The following PEX6 variants were observed in gnomAD, a reference collection of about 807,000 sequenced individuals.
PEX6 encodes peroxisome biogenesis factor 6.
A neutral mutation model predicts 85.6 loss-of-function variants in PEX6; 55 were observed. The observed-to-expected ratio is 0.64, with a 90% CI of 0.52 to 0.80. PEX6 has a LOEUF of 0.80. PEX6 is among the 30% of genes least tolerant of loss of function. PEX6 has a pLI of 0.00. For missense variants in PEX6, 1,099 were observed against 1,260.3 expected, an observed-to-expected ratio of 0.87 and a Z score of 1.94; for synonymous variants, 519 against 549.1, an observed-to-expected ratio of 0.95 and a Z score of 0.77.
intron 8 of PEX6, 61 bp from the exon 9 acceptor site, chr6:42,966,919 C>G: frequency 7.8e-7 from 1 of 1,286,240 alleles, no homozygotes. Context: ...CTTCAGGGAC[C>G]GTCCCCCAGC....
At chr6:42,976,525 G>A (rs994433894) in intron 1 of PEX6, among the ~76,000 whole-genome samples, 2 of 151,986 alleles carry the variant, frequency 1.3e-5, no homozygotes, top group East Asian at 3.9e-4. Context: ...ACCATACTGG[G>A]CTGATTTTTG....
intron 6 of PEX6, 71 bp from the exon 7 acceptor site, chr6:42,968,569 A>C: frequency 7.4e-7 from 1 of 1,353,190 alleles, no homozygotes; most frequent in South Asian, 1.3e-5. Flanking sequence ...TCAGGGGAGG[A>C]GGAGGTGGAA....
chr6:42,977,469 T>C (rs1039943739), intron 1 of PEX6, among the ~76,000 whole-genome samples: 1 of 151,966 alleles, frequency 6.6e-6, no homozygotes, highest in African/African-American at 2.4e-5. Context: ...CACTACATTA[T>C]GGAGGCTTAT....
In PEX6 at chr6:42,974,750, A is replaced by T. The variant is rs896273247; in HGVS notation, c.1046+125T>A. On this transcript the variant is annotated intron_variant, in intron 2 of 16. Transcript: ENST00000304611. Reference sequence around the variant, plus strand: ...TGCTGGGATTACAGACGTGAGCCACAGCACCTAGCCGCAAATGTGGCTTCT... The same window carrying T: ...TGCTGGGATTACAGACGTGAGCCACTGCACCTAGCCGCAAATGTGGCTTCT... 49 of 884,078 alleles carry T rather than the reference A, an allele frequency of 5.5e-5. No individual in the cohort carries two copies. In the South Asian group the frequency reaches 6.2e-4, roughly 11 times the overall value. 54.8% of individuals were successfully genotyped at this position (884,078 alleles called of 1,614,324 possible). A position where few individuals can be genotyped will look rare whatever the true frequency, so the allele number is the denominator to read the frequency against.
In PEX6 at chr6:42,969,854, C is replaced by T. The variant is rs368204360; in HGVS notation, c.1233+31G>A. 367 of 1,614,056 alleles carry T rather than the reference C, an allele frequency of 2.3e-4. 4 individuals are homozygous for T. In the South Asian group the frequency reaches 3.7e-3, roughly 16 times the overall value. The stretch of plus-strand genomic sequence containing the variant: ...TTCTAAAAATCGTTTCTACCCCCTG[C>T]GCTGGTCTACACCCATCCTTGGGGC... On this transcript the variant is annotated intron_variant, in intron 4 of 16. Transcript: ENST00000304611.
chr6:42,967,517 G>C lies in PEX6; in HGVS notation c.1735C>G (p.Leu579Val), dbSNP rs1400010758. ...VVATTSRAQD[L>V]PADVQTAFPH... ...AATGCTGTCTGCACATCAGCAGGCA[G>C]GTCCTGGGCCCGGCTTGTGGTGGCC... is the stretch of plus-strand genomic sequence containing the variant. The change falls in exon 8 of 17, where the codon CTG becomes GTG. Residue 579 changes from leucine to valine, a missense_variant. Leu to Val is a conservative substitution (Grantham distance 32). Around this residue, in one of 3 missense-constraint regions of PEX6, gnomAD observed 514 missense variants for 627.0 expected, o/e 0.82. Transcript: ENST00000304611. 8.7e-6 allele frequency: 14 copies of C among 1,608,710 alleles called. No homozygotes were observed. The highest frequency in any genetic ancestry group is 1.2e-5 in the Non-Finnish European group (14 of 1,178,008).
intron 2 of PEX6, 77 bp from the exon 3 acceptor site, chr6:42,974,163 G>T: frequency 9.4e-7 from 1 of 1,059,730 alleles, no homozygotes; most frequent in South Asian, 1.3e-5. Context: ...GTCCACCCCC[G>T]ACATGCAGAC....
intron 3 of PEX6, among the ~76,000 whole-genome samples, chr6:42,970,218 G>C (rs1770014366): frequency 6.6e-6 from 1 of 152,226 alleles, no homozygotes; most frequent in African/African-American, 2.4e-5. Context: ...AGCCATGAGA[G>C]CTCTGAGGGG....
intron 1 of PEX6, among the ~76,000 whole-genome samples, chr6:42,975,583 G>A (rs1382389293): frequency 6.6e-6 from 1 of 152,048 alleles, no homozygotes; most frequent in Non-Finnish European, 1.5e-5. Flanking sequence ...GGTTACTCTA[G>A]TACTGCCCAG....
Position 42,965,471 on chromosome 6 carries a change from C to T in PEX6, c.2472-103G>A. 1.0e-6 allele frequency: 1 copy of T among 992,566 alleles called. No homozygotes were observed. Among genetic ancestry groups the T allele is most frequent in the East Asian group, 2.4e-5 (1 of 42,160 alleles). The allele number at this position is 992,566 out of a possible 1,614,324, so 61.5% of individuals were successfully genotyped here. The stretch of plus-strand genomic sequence containing the variant: ...CAGGCAGTCTCAACAGGGCCCTCCA[C>T]TCAGCTGTGCCCAATGTGCCCCACC... On this transcript the variant is annotated intron_variant, in intron 13 of 16. Coordinates refer to ENST00000304611, the MANE Select transcript of PEX6 (RefSeq NM_000287.4). This position sits in a 1 kb window ranked among gnomAD's most constrained non-coding sequence, Gnocchi z 5.0.
At chr6:42,966,908 C>A (rs1387507331) in intron 8 of PEX6, 50 bp from the exon 9 acceptor site, 1 of 1,399,032 alleles carries the variant, frequency 7.1e-7, no homozygotes, top group South Asian at 1.2e-5. Context: ...TAGGCAGGAA[C>A]CTTCAGGGAC....
chr6:42,974,770 G>A, intron 2 of PEX6, 105 bp downstream of exon 2: 2 of 1,080,630 alleles, frequency 1.9e-6, no homozygotes, highest in Non-Finnish European at 2.9e-6. Context: ...CGCAAATGTG[G>A]CTTCTTTTAA....
At position 42,965,405 on chromosome 6, in the gene PEX6, TCC is replaced by T; in HGVS notation, c.2472-39_2472-38del. The stretch of plus-strand genomic sequence containing the variant: ...GGAGCAAGGGCAAGAGTCCTTGGTG[TCC>T]CCCTTAGACTCTGCCCCTGCCTGTG... On this transcript the variant is annotated intron_variant, in intron 13 of 16. Transcript: ENST00000304611. This position sits in a 1 kb window ranked among gnomAD's most constrained non-coding sequence, Gnocchi z 5.0. 1 of 1,459,890 alleles carries T rather than the reference TCC, an allele frequency of 6.8e-7. No homozygotes were observed. The highest frequency in any genetic ancestry group is 1.4e-5 in the African/African-American group (1 of 71,908). 90.4% of individuals were successfully genotyped at this position (1,459,890 alleles called of 1,614,324 possible).
In PEX6 at chr6:42,964,840, G is replaced by A; in HGVS notation, c.2756C>T (p.Ser919Phe). The stretch of plus-strand genomic sequence containing the variant: ...TTTGAGGGCAGCTGTCATAGCATCA[G>A]AGCAGAGAGAGTAGAGGTCCGCGCC... ...LTGADLYSLC[S>F]DAMTAALKRR... The change falls in exon 16 of 17, where the codon TCT becomes TTT. Residue 919 changes from serine to phenylalanine, a missense_variant. Ser to Phe is a radical substitution (Grantham distance 155). Coordinates refer to ENST00000304611, the MANE Select transcript of PEX6 (RefSeq NM_000287.4). The surrounding 1 kb of genome is among the most constrained non-coding windows in gnomAD (Gnocchi z 4.6). 1 of 1,614,152 alleles carries A rather than the reference G, an allele frequency of 6.2e-7. No homozygotes were observed. Among genetic ancestry groups the A allele is most frequent in the South Asian group, 1.1e-5 (1 of 91,084 alleles).
At chr6:42,966,695 G>T (rs1279694233) in intron 9 of PEX6, 38 bp from the exon 10 acceptor site, 1 of 1,614,060 alleles carries the variant, frequency 6.2e-7, no homozygotes, top group East Asian at 2.2e-5. Flanking sequence ...CTCACCATCA[G>T]CGTCCCATTC....
rs779526175 is a variant in PEX6, at chr6:42,978,445, G to A, written c.706C>T (p.Gln236Ter). The change falls in exon 1 of 17, where the codon CAG (glutamine) becomes TAG (stop). Residue 236 changes from glutamine (Q) to a stop codon, truncating the protein, a stop_gained. Transcript: ENST00000304611. LOFTEE classifies it high-confidence loss of function. Reference protein sequence around the residue: ...AQARESSNTSQPHLARVQVLE... With the variant: ...AQARESSNTS ...ACCTGCACCCTAGCCAAGTGCGGCTGTGAAGTGTTCGATGACTCTCTGGCC... is the reference window on the plus strand; with the variant it reads ...ACCTGCACCCTAGCCAAGTGCGGCTATGAAGTGTTCGATGACTCTCTGGCC... 22 of 1,614,154 alleles carry A rather than the reference G, an allele frequency of 1.4e-5. No individual in the cohort carries two copies. Among genetic ancestry groups the A allele is most frequent in the Non-Finnish European group, 1.9e-5 (22 of 1,180,016 alleles).
In PEX6 at chr6:42,968,027, A is replaced by C. The variant is rs1271738265; in HGVS notation, c.1688+263T>G. Among the ~76,000 whole-genome samples the C allele has an allele frequency of 2.0e-5, 3 of 149,914 alleles. No individual in the cohort carries two copies. The South Asian group carries it at 6.4e-4, about 32-fold the overall frequency. On this transcript the variant is annotated intron_variant, in intron 7 of 16. Transcript: ENST00000304611. Reference sequence around the variant, plus strand: ...AATGGTATGATTTTGGCTCACTGCAACCTCCGCCTCCTGGGCTCAAGTGAT... The same window carrying C: ...AATGGTATGATTTTGGCTCACTGCACCCTCCGCCTCCTGGGCTCAAGTGAT...
At position 42,978,601 on chromosome 6, in the gene PEX6, A is replaced by G; in HGVS notation, c.550T>C (p.Ser184Pro). 6.2e-7 allele frequency: 1 copy of G among 1,609,260 alleles called. No individual in the cohort carries two copies. The highest frequency in any genetic ancestry group is 1.3e-5 in the African/African-American group (1 of 74,996). The change falls in exon 1 of 17, where the codon TCC becomes CCC. Residue 184 changes from serine (S) to proline (P), a missense_variant. Physicochemically the swap from Ser to Pro is moderately conservative, Grantham distance 74 (BLOSUM62 -1). Transcript: ENST00000304611. ...SRPPPPPVVS[S>P]FAVSGTVRRL... Reference sequence around the variant, plus strand: ...CGCACTGTGCCAGAAACCGCAAAGGAGGACACCACGGGCGGGGGTGGGGGC... The same window carrying G: ...CGCACTGTGCCAGAAACCGCAAAGGGGGACACCACGGGCGGGGGTGGGGGC...
intron 1 of PEX6, among the ~76,000 whole-genome samples, chr6:42,976,549 G>T (rs1467700433): frequency 6.6e-6 from 1 of 152,062 alleles, no homozygotes; most frequent in African/African-American, 2.4e-5. Context: ...TTTTAGTAGA[G>T]ATGAGGTTTC....
Sources: allele counts gnomAD v4.1 joint callset (sites outside exome capture counted in the v4.1 genomes callset), GRCh38; gene constraint gnomAD v4.1.1; regional missense constraint gnomAD v4.1.1; non-coding constraint Gnocchi (gnomAD v3.1); transcripts MANE v1.5; gene names NCBI Gene and HGNC (gene_info 2026-07-23, HGNC 2026-07-21).